SLC8A1: variants seen among roughly 807,000 people sequenced by gnomAD.
The protein encoded by SLC8A1 is sodium/calcium exchanger 1.
Under a neutral mutation model 68.3 loss-of-function variants are expected in SLC8A1, and 18 were observed. That is an observed-to-expected ratio of 0.26 (90% confidence interval 0.18 to 0.39). The LOEUF is 0.39. SLC8A1 is among the 10% of genes least tolerant of loss of function. The pLI is 1.00. For missense variants in SLC8A1, 985 were observed against 1,156.7 expected (o/e 0.85, Z 2.15); for synonymous variants, 475 against 415.5 (o/e 1.14, Z -1.74).
intron 2 of SLC8A1, among the ~76,000 whole-genome samples, chr2:40,390,819 G>C (rs1455470822): frequency 1.3e-5 from 2 of 152,040 alleles, no homozygotes; most frequent in Admixed American, 1.3e-4. Context: ...GTGAGCTTAA[G>C]AAAATGTAGA....
intron 4 of SLC8A1, chr2:40,170,313 T>C (rs879147717): frequency 2.2e-5 from 35 of 1,614,020 alleles, no homozygotes; most frequent in Non-Finnish European, 2.5e-5. Context: ...GAGAATCGGA[T>C]GTTCTCTAGC....
intron 6 of SLC8A1, among the ~76,000 whole-genome samples, chr2:40,159,057 A>T (rs1218592675): frequency 6.6e-6 from 1 of 152,142 alleles, no homozygotes; most frequent in Admixed American, 6.6e-5. Context: ...GAATGAACCA[A>T]CGTAAACCAC....
chr2:40,248,840 C>T (rs181954862), intron 2 of SLC8A1, among the ~76,000 whole-genome samples: 71 of 152,204 alleles, frequency 4.7e-4, no homozygotes, highest in Admixed American at 3.2e-3. Context: ...GATTTAGGTT[C>T]GTTTCTGGTT....
intron 2 of SLC8A1, among the ~76,000 whole-genome samples, chr2:40,376,139 T>A (rs1679789682): frequency 6.6e-6 from 1 of 152,296 alleles, no homozygotes; most frequent in Admixed American, 6.5e-5. Context: ...AACATCTTTG[T>A]CATTCCTCTT....
chr2:40,200,224 T>A (rs13000367), intron 2 of SLC8A1, among the ~76,000 whole-genome samples: 1,122 of 4,064 alleles, frequency 0.28, 222 homozygotes, highest in Admixed American at 0.37. Context: ...ATATATTTTT[T>A]TATATATATA....
chr2:40,314,589 T>G (rs1286257656), intron 2 of SLC8A1, among the ~76,000 whole-genome samples: 1 of 152,030 alleles, frequency 6.6e-6, no homozygotes, highest in Non-Finnish European at 1.5e-5. Flanking sequence ...TAGATCAATT[T>G]GGGAAGAACG....
intron 2 of SLC8A1, among the ~76,000 whole-genome samples, chr2:40,413,394 C>T (rs913387896): frequency 2.0e-4 from 31 of 152,092 alleles, no homozygotes; most frequent in African/African-American, 7.5e-4. Context: ...AAATGTGGCA[C>T]ATATACACCA....
chr2:40,381,627 C>G (rs1345764983), intron 2 of SLC8A1, among the ~76,000 whole-genome samples: 3 of 151,996 alleles, frequency 2.0e-5, no homozygotes, highest in Non-Finnish European at 4.4e-5. Context: ...ATGGACCCAG[C>G]TGTCCTATAG....
intron 2 of SLC8A1, among the ~76,000 whole-genome samples, chr2:40,251,977 A>T (rs188139779): frequency 6.6e-5 from 10 of 151,916 alleles, no homozygotes; most frequent in Admixed American, 6.5e-4. Flanking sequence ...GCTATTATAA[A>T]GTTTAGTGAG....
chr2:40,387,060 T>C (rs1683793731), intron 2 of SLC8A1, among the ~76,000 whole-genome samples: 1 of 151,454 alleles, frequency 6.6e-6, no homozygotes, highest in Non-Finnish European at 1.5e-5. Context: ...ACAACCTTTA[T>C]GAAGATCCAA....
At chr2:40,312,508 A>G (rs1226206943) in intron 2 of SLC8A1, among the ~76,000 whole-genome samples, 1 of 152,138 alleles carries the variant, frequency 6.6e-6, no homozygotes, top group East Asian at 1.9e-4. Flanking sequence ...CACAAATTAT[A>G]AAAGTATAAA....
chr2:40,223,147 A>G, intron 2 of SLC8A1, among the ~76,000 whole-genome samples: 1 of 152,238 alleles, frequency 6.6e-6, no homozygotes, highest in East Asian at 1.9e-4. Flanking sequence ...CTGGATAAAG[A>G]AAATGTGGCA....
intron 1 of SLC8A1, among the ~76,000 whole-genome samples, chr2:40,504,473 TA>T (rs1310307055): frequency 6.6e-6 from 1 of 151,944 alleles, no homozygotes; most frequent in East Asian, 1.9e-4. Flanking sequence ...CACATCAATT[TA>T]AAAAGCTTCT....
At chr2:40,349,010 C>T (rs1670234455) in intron 2 of SLC8A1, among the ~76,000 whole-genome samples, 1 of 152,170 alleles carries the variant, frequency 6.6e-6, no homozygotes, top group African/African-American at 2.4e-5. Flanking sequence ...GAATGTGGCT[C>T]TTCTTCTCCC....
At chr2:40,394,766 C>A (rs1686402282) in intron 2 of SLC8A1, among the ~76,000 whole-genome samples, 5 of 151,906 alleles carry the variant, frequency 3.3e-5, no homozygotes, top group Admixed American at 2.6e-4. Flanking sequence ...AAAATTAGTT[C>A]CCATTCCTGC....
At chr2:40,180,966 T>C (rs1287620870) in intron 2 of SLC8A1, among the ~76,000 whole-genome samples, 2 of 10,582 alleles carry the variant, frequency 1.9e-4, no homozygotes, top group African/African-American at 5.0e-4. Flanking sequence ...TTTTCTTTCT[T>C]TTTTTTTGTT....
In SLC8A1 at chr2:40,155,421, G is replaced by T. The variant is rs554501568; in HGVS notation, c.2161+5344C>A. ...TGGGATTACAGGCATGAGCCACCGT[G>T]CCTGGCCCTAGCAGAATTTTTAACT... On this transcript the variant is annotated intron_variant, in intron 6 of 7. Transcript: ENST00000406785. Among the ~76,000 whole-genome samples, 271 of 152,238 alleles carry T rather than the reference G, an allele frequency of 1.8e-3. 1 individual carries two copies. Among genetic ancestry groups the T allele is most frequent in the South Asian group, 5.6e-3 (27 of 4,824 alleles).
chr2:40,345,846 C>A (rs910162495), intron 2 of SLC8A1, among the ~76,000 whole-genome samples: 1 of 151,576 alleles, frequency 6.6e-6, no homozygotes, highest in Non-Finnish European at 1.5e-5. Context: ...CCCTGTCGGG[C>A]GGTGGAGGGC....
chr2:40,316,254 A>G (rs190167596), intron 2 of SLC8A1, among the ~76,000 whole-genome samples: 2 of 152,184 alleles, frequency 1.3e-5, no homozygotes, highest in South Asian at 2.1e-4. Flanking sequence ...GTTCAAGGAC[A>G]TAAGAAAACT....
Sources: allele counts gnomAD v4.1 joint callset (sites outside exome capture counted in the v4.1 genomes callset), GRCh38; gene constraint gnomAD v4.1.1; transcripts MANE v1.5; gene names NCBI Gene and HGNC (gene_info 2026-07-23, HGNC 2026-07-21).